Variants in LRP1B observed in about 807,000 individuals in gnomAD.
The protein encoded by LRP1B is LDL receptor related protein 1B, also known as low-density lipoprotein receptor-related protein 1B.
A neutral mutation model predicts 556.6 loss-of-function variants in LRP1B; 217 were observed. That is an observed-to-expected ratio of 0.39 (90% CI 0.35 to 0.44). The LOEUF is 0.44. Among genes scored for constraint, LRP1B ranks in the 20% least tolerant of loss-of-function variants. LRP1B has a pLI of 1.00. For synonymous variants in LRP1B, 2,047 were observed against 1,865.8 expected (o/e 1.10, Z -2.50); for missense variants, 5,053 against 5,620.8 (o/e 0.90, Z 3.23).
chr2:141,026,605 A>T (rs1395460750), intron 11 of LRP1B, among the ~76,000 whole-genome samples: 3 of 152,092 alleles, frequency 2.0e-5, no homozygotes, highest in Admixed American at 1.3e-4. Flanking sequence ...AGATCCACAT[A>T]AATACGCAGA....
At chr2:140,629,062 T>C (rs1683782773) in intron 41 of LRP1B, among the ~76,000 whole-genome samples, 1 of 152,024 alleles carries the variant, frequency 6.6e-6, no homozygotes. Context: ...TCTTTTTTAT[T>C]TTTTATTTTG....
At position 141,122,814 on chromosome 2, in the gene LRP1B, G is replaced by A. The variant is rs903189757; in HGVS notation, c.1014-60541C>T. Among the ~76,000 whole-genome samples the A allele has an allele frequency of 1.7e-3, 251 of 152,072 alleles. 1 individual carries two copies. Among genetic ancestry groups the A allele is most frequent in the African/African-American group, 5.7e-3 (236 of 41,466 alleles). ...ACACATGCACATGTATGTTTATAGC[G>A]GCACTATTCACAATAGCAAAGACTT... On this transcript the variant is annotated intron_variant, in intron 7 of 90. Coordinates refer to ENST00000389484, the MANE Select transcript of LRP1B (RefSeq NM_018557.3).
At position 141,115,463 on chromosome 2, in the gene LRP1B, T is replaced by TG. The variant is rs200984926; in HGVS notation, c.1014-53191_1014-53190insC. On this transcript the variant is annotated intron_variant, in intron 7 of 90. Coordinates refer to ENST00000389484, the MANE Select transcript of LRP1B (RefSeq NM_018557.3). ...ATGAATAGGTTTTTGTTTTTGTTTT[T>TG]TTTTTTTTTTTGAGATGGATTCTGG... Among the ~76,000 whole-genome samples the TG allele has an allele frequency of 3.5e-4, 51 of 144,454 alleles. 2 individuals are homozygous for TG. The East Asian group carries it at 8.1e-3, about 23-fold the overall frequency. 94.8% of individuals were successfully genotyped at this position (144,454 alleles called of 152,430 possible). A position where few individuals can be genotyped will look rare whatever the true frequency, so the allele number is the denominator to read the frequency against.
At chr2:141,512,051 AG>A (rs1224406387) in intron 2 of LRP1B, among the ~76,000 whole-genome samples, 1 of 152,218 alleles carries the variant, frequency 6.6e-6, no homozygotes, top group Non-Finnish European at 1.5e-5. Context: ...GAAATGCAAA[AG>A]ATGCACAATT....
At position 140,395,489 on chromosome 2, in the gene LRP1B, G is replaced by T. The variant is rs573327761; in HGVS notation, c.10415-9480C>A. Among the ~76,000 whole-genome samples the T allele has an allele frequency of 9.2e-5, 14 of 152,282 alleles. No homozygotes were observed. The South Asian group carries it at 2.9e-3, about 32-fold the overall frequency. On this transcript the variant is annotated intron_variant, in intron 66 of 90. Coordinates refer to ENST00000389484, the MANE Select transcript of LRP1B (RefSeq NM_018557.3). ...AATATTCCTCAATGAGCACTTACAG[G>T]GACAACCTGTTCTTCTAGGGAAAGT...
intron 1 of LRP1B, among the ~76,000 whole-genome samples, chr2:141,812,663 C>T (rs11684190): frequency 0.19 from 29,214 of 151,896 alleles, 3,266 homozygotes; most frequent in East Asian, 0.4. Context: ...AAGTATTTTG[C>T]CTATAATTTG....
rs1453374704 is a variant in LRP1B, at chr2:141,388,158, G to A, written c.343+92238C>T. Among the ~76,000 whole-genome samples the A allele has an allele frequency of 5.9e-5, 9 of 152,210 alleles. No homozygotes were observed. In the South Asian group the frequency reaches 6.2e-4, roughly 11 times the overall value. ...TTCATTAAAATAATACTCAATGGCC[G>A]GGCGCAGTGGCTCACACCTGTAATC... On this transcript the variant is annotated intron_variant, in intron 3 of 90. Transcript: ENST00000389484.
At chr2:140,320,264 T>C (rs1157891138) in intron 82 of LRP1B, among the ~76,000 whole-genome samples, 1 of 151,374 alleles carries the variant, frequency 6.6e-6, no homozygotes, top group Non-Finnish European at 1.5e-5. Flanking sequence ...GCTTATCTTA[T>C]TCATCAATTC....
chr2:140,328,177 ATGAATATT>A (rs1222185677), intron 79 of LRP1B, among the ~76,000 whole-genome samples: 1 of 152,054 alleles, frequency 6.6e-6, no homozygotes, highest in African/African-American at 2.4e-5. Context: ...ACAGAGGAAG[ATGAATATT>A]TGGAACCAAG....
intron 35 of LRP1B, among the ~76,000 whole-genome samples, chr2:140,751,380 T>C (rs1293636718): frequency 6.6e-6 from 1 of 152,220 alleles, no homozygotes; most frequent in Non-Finnish European, 1.5e-5. Context: ...GCAACGTGAA[T>C]GAACCTAGGT....
intron 1 of LRP1B, among the ~76,000 whole-genome samples, chr2:142,049,254 T>G (rs1250505100): frequency 1.3e-5 from 2 of 152,150 alleles, no homozygotes; most frequent in East Asian, 3.9e-4. Context: ...TTATATGCAA[T>G]GCATGAAGTT....
intron 2 of LRP1B, among the ~76,000 whole-genome samples, chr2:141,590,550 A>G (rs969386575): frequency 6.6e-6 from 1 of 152,074 alleles, no homozygotes; most frequent in Non-Finnish European, 1.5e-5. Flanking sequence ...TTTTTTTTAT[A>G]GGCAAGAAAG....
chr2:140,382,300 A>C (rs558156161), intron 67 of LRP1B, among the ~76,000 whole-genome samples: 20 of 152,308 alleles, frequency 1.3e-4, no homozygotes, highest in African/African-American at 4.6e-4. Context: ...ATTTTTAATC[A>C]CTTGTTATTT....
chr2:141,243,307 A>T (rs889435881), intron 5 of LRP1B, among the ~76,000 whole-genome samples: 5 of 151,866 alleles, frequency 3.3e-5, no homozygotes, highest in Admixed American at 2.6e-4. Context: ...ACAGAGAGAG[A>T]TCCTGTGTGT....
chr2:141,671,296 T>C (rs1690657949), intron 2 of LRP1B, among the ~76,000 whole-genome samples: 1 of 152,164 alleles, frequency 6.6e-6, no homozygotes, highest in African/African-American at 2.4e-5. Flanking sequence ...TCAGATTCTC[T>C]AGAAGCAAAT....
intron 3 of LRP1B, among the ~76,000 whole-genome samples, chr2:141,281,345 C>T (rs1234522524): frequency 6.6e-6 from 1 of 151,922 alleles, no homozygotes; most frequent in Non-Finnish European, 1.5e-5. Flanking sequence ...GGGCCTATAA[C>T]TCTGTCTAGA....
In LRP1B at chr2:140,867,583, C is replaced by A. The variant is rs776094053; in HGVS notation, c.4579+7G>T. 6.2e-7 allele frequency: 1 copy of A among 1,609,672 alleles called. No homozygotes were observed. Among genetic ancestry groups the A allele is most frequent in the Non-Finnish European group, 8.5e-7 (1 of 1,177,404 alleles). ...GGTGGTTAATCCATAAGTGAACAAG[C>A]ACTTACCCTGTGGCTGGCGACTGGG... On this transcript the variant is annotated splice_region_variant and intron_variant, in intron 27 of 90. Coordinates refer to ENST00000389484, the MANE Select transcript of LRP1B (RefSeq NM_018557.3).
chr2:141,911,666 C>T (rs1023795601), intron 1 of LRP1B, among the ~76,000 whole-genome samples: 2 of 152,170 alleles, frequency 1.3e-5, no homozygotes, highest in Non-Finnish European at 2.9e-5. Flanking sequence ...AGCTCTCTGA[C>T]CCAATGACTC....
chr2:141,062,308 TG>T (rs2105469102), intron 7 of LRP1B, 35 bp from the exon 8 acceptor site: 1 of 1,473,022 alleles, frequency 6.8e-7, no homozygotes, highest in South Asian at 1.2e-5. Context: ...AAGTGGAGGG[TG>T]GGGGAGGGAA....
Sources: gnomAD v4.1 joint callset for allele counts (sites outside exome capture counted in the v4.1 genomes callset) on GRCh38, gnomAD v4.1.1 for gene constraint, MANE v1.5 for transcripts, NCBI Gene and HGNC (gene_info 2026-07-23, HGNC 2026-07-21) for gene names.